RAI1: variants seen among roughly 807,000 people sequenced by gnomAD.
The protein encoded by RAI1 is retinoic acid-induced protein 1.
Under a neutral mutation model 123.8 loss-of-function variants are expected in RAI1, and 9 were observed. The observed-to-expected ratio is 0.07, with a 90% CI of 0.04 to 0.13. RAI1 has a LOEUF of 0.13. Ranked by LOEUF, RAI1 falls within the 10% of genes least tolerant of loss-of-function variation. The pLI is 1.00. For synonymous variants in RAI1, 1,231 were observed against 1,127.3 expected, an observed-to-expected ratio of 1.09 and a Z score of -1.84; for missense variants, 2,256 against 2,545.8, an observed-to-expected ratio of 0.89 and a Z score of 2.45.
chr17:17,802,289 G>A, intron 3 of RAI1: 1 of 416,042 alleles, frequency 2.4e-6, no homozygotes, highest in Admixed American at 2.5e-5. Flanking sequence ...TCCTCTCACA[G>A]GTCTGAGAGC....
chr17:17,717,728 A>T (rs1915755655), intron 1 of RAI1, among the ~76,000 whole-genome samples: 1 of 152,020 alleles, frequency 6.6e-6, no homozygotes, highest in Non-Finnish European at 1.5e-5. Context: ...AGCAGATTTG[A>T]CTTCACTCAG....
At position 17,795,849 on chromosome 17, in the gene RAI1, C is replaced by G. The variant is rs2032219554; in HGVS notation, c.2901C>G (p.Thr967=). The G allele has an allele frequency of 6.2e-7, 1 of 1,613,230 alleles. No homozygotes were observed. The highest frequency in any genetic ancestry group is 2.2e-5 in the East Asian group (1 of 44,870). Reference sequence around the variant, plus strand: ...AGCGAGCTCCAGGGGATTCCACCACCTCGGACGCCTCTCTGGCCCAGAAGC... The same window carrying G: ...AGCGAGCTCCAGGGGATTCCACCACGTCGGACGCCTCTCTGGCCCAGAAGC... ...DGERAPGDST[T]SDASLAQKPN... The change falls in exon 3 of 6, where the codon ACC becomes ACG. Residue 967 remains threonine, a synonymous_variant. Transcript: ENST00000353383. The surrounding 1 kb of genome is among the most constrained non-coding windows in gnomAD (Gnocchi z 5.9).
intron 2 of RAI1, among the ~76,000 whole-genome samples, chr17:17,741,087 G>A (rs1354338600): frequency 6.8e-6 from 1 of 147,886 alleles, no homozygotes; most frequent in East Asian, 2.0e-4. Context: ...GCACAAGCGC[G>A]CGCGCACACA....
chr17:17,689,924 AGG>A (rs1914779327), intron 1 of RAI1, among the ~76,000 whole-genome samples: 2 of 152,262 alleles, frequency 1.3e-5, no homozygotes, highest in South Asian at 4.1e-4. Flanking sequence ...GCATCCAGAA[AGG>A]GGTGCCAAAG....
intron 1 of RAI1, among the ~76,000 whole-genome samples, chr17:17,702,701 CAG>C (rs1003051999): frequency 2.6e-5 from 4 of 152,202 alleles, no homozygotes; most frequent in African/African-American, 4.8e-5. Flanking sequence ...ATGAGGCTCA[CAG>C]GGGTTTAGCA....
chr17:17,786,590 G>A (rs2031835061), intron 2 of RAI1, among the ~76,000 whole-genome samples: 1 of 152,252 alleles, frequency 6.6e-6, no homozygotes, highest in Non-Finnish European at 1.5e-5. Context: ...TAGAAGCTGT[G>A]TAGTTATCTG....
intron 1 of RAI1, among the ~76,000 whole-genome samples, chr17:17,715,224 C>G (rs1016438237): frequency 1.3e-5 from 2 of 152,244 alleles, no homozygotes; most frequent in Non-Finnish European, 2.9e-5. Context: ...AGGGGCTCTG[C>G]CTGTTTCCTC....
chr17:17,769,990 G>A (rs1234490355), intron 2 of RAI1, among the ~76,000 whole-genome samples: 1 of 152,192 alleles, frequency 6.6e-6, no homozygotes, highest in Non-Finnish European at 1.5e-5. Flanking sequence ...GGCAGGGCGG[G>A]TGAGCGGGGG....
At chr17:17,698,823 A>C (rs1487458299) in intron 1 of RAI1, among the ~76,000 whole-genome samples, 1 of 152,234 alleles carries the variant, frequency 6.6e-6, no homozygotes, top group Non-Finnish European at 1.5e-5. Flanking sequence ...TTGGAGGCCT[A>C]CTGTGTGCCA....
At chr17:17,710,082 G>A (rs889246530) in intron 1 of RAI1, among the ~76,000 whole-genome samples, 1 of 152,092 alleles carries the variant, frequency 6.6e-6, no homozygotes, top group African/African-American at 2.4e-5. Flanking sequence ...CCCCGGCCAC[G>A]CTCATGTCAG....
At chr17:17,808,386 A>T (rs565480653) in intron 4 of RAI1, among the ~76,000 whole-genome samples, 3 of 130,120 alleles carry the variant, frequency 2.3e-5, no homozygotes, top group African/African-American at 3.3e-5. Context: ...ATTTTATTTT[A>T]TTATTTTATT....
At chr17:17,726,528 C>G (rs1916095145) in intron 2 of RAI1, among the ~76,000 whole-genome samples, 1 of 152,238 alleles carries the variant, frequency 6.6e-6, no homozygotes, top group Non-Finnish European at 1.5e-5. Context: ...CCTTTTTCTT[C>G]CTATCTTCCT....
chr17:17,805,495 C>T (rs879736678), intron 4 of RAI1, among the ~76,000 whole-genome samples: 3 of 152,204 alleles, frequency 2.0e-5, no homozygotes, highest in Non-Finnish European at 4.4e-5. Context: ...CCCCCAGGCT[C>T]CCGTCGCTCT....
At chr17:17,723,942 C>G (rs1915981115) in intron 1 of RAI1, 86 bp from the exon 2 acceptor site, 1 of 137,694 alleles carries the variant, frequency 7.3e-6, no homozygotes, top group Non-Finnish European at 1.6e-5. Context: ...CGCGGGAGCG[C>G]GAGGGAAAGG....
Position 17,795,402 on chromosome 17 carries a change from G to A in RAI1, c.2454G>A (p.Val818=), listed in dbSNP as rs377325298. 12 of 1,591,378 alleles carry A rather than the reference G, an allele frequency of 7.5e-6. No individual in the cohort carries two copies. The East Asian group carries it at 1.1e-4, about 15-fold the overall frequency. The change falls in exon 3 of 6, where the codon GTG becomes GTA. Residue 818 remains valine, a synonymous_variant. Coordinates refer to ENST00000353383, the MANE Select transcript of RAI1 (RefSeq NM_030665.4). This position sits in a 1 kb window ranked among gnomAD's most constrained non-coding sequence, Gnocchi z 5.9. The part of the protein sequence containing the change: ...GDFKQEEVGG[V]KEEAGGLLQC... ...TCAAGCAGGAGGAGGTGGGTGGGGTGAAGGAGGAGGCAGGTGGGCTGCTGC... is the reference window on the plus strand; with the variant it reads ...TCAAGCAGGAGGAGGTGGGTGGGGTAAAGGAGGAGGCAGGTGGGCTGCTGC...
rs528908715 is a variant in RAI1, at chr17:17,697,545, C to T, written c.-149+15752C>T. On this transcript the variant is annotated intron_variant, in intron 1 of 5. Coordinates refer to ENST00000353383, the MANE Select transcript of RAI1 (RefSeq NM_030665.4). ...ATCCAGGAGGCAGCCAGGCTGGGGC[C>T]GAGATTGATGTGCTGAACATGATTT... Among the ~76,000 whole-genome samples, 4 of 152,310 alleles carry T rather than the reference C, an allele frequency of 2.6e-5. No individual in the cohort carries two copies. The East Asian group carries it at 5.8e-4, about 22-fold the overall frequency.
chr17:17,732,647 GA>G (rs1463994920), intron 2 of RAI1, among the ~76,000 whole-genome samples: 1 of 152,126 alleles, frequency 6.6e-6, no homozygotes, highest in African/African-American at 2.4e-5. Context: ...TCACCTGCCG[GA>G]GCTGGGCTCT....
chr17:17,802,238 A>G, intron 3 of RAI1: 1 of 460,470 alleles, frequency 2.2e-6, no homozygotes. Flanking sequence ...CATCAGATTT[A>G]CATGAAGTCA....
At chr17:17,760,897 G>C (rs924405875) in intron 2 of RAI1, among the ~76,000 whole-genome samples, 1 of 152,180 alleles carries the variant, frequency 6.6e-6, no homozygotes, top group African/African-American at 2.4e-5. Flanking sequence ...GCATCAAGGC[G>C]TGCCTATAGG....
Sources: allele counts gnomAD v4.1 joint callset (sites outside exome capture counted in the v4.1 genomes callset), GRCh38; gene constraint gnomAD v4.1.1; non-coding constraint Gnocchi (gnomAD v3.1); transcripts MANE v1.5; gene names NCBI Gene and HGNC (gene_info 2026-07-23, HGNC 2026-07-21).